Variants in PTCHD4 observed in about 807,000 individuals in gnomAD.
PTCHD4 encodes patched domain containing 4, also known as patched domain-containing protein 4.
PTCHD4 carries 33 observed loss-of-function variants against 58.1 expected under a neutral mutation model. The observed-to-expected ratio is 0.57, with a 90% CI of 0.43 to 0.76. PTCHD4 has a LOEUF of 0.76. Among genes scored for constraint, PTCHD4 ranks in the 30% least tolerant of loss-of-function variants. The probability of loss-of-function intolerance (pLI) is 0.00; values close to 1 mark genes in which losing one functional copy is unlikely to be tolerated. For missense variants in PTCHD4, 1,058 were observed against 1,027.1 expected, an observed-to-expected ratio of 1.03 and a Z score of -0.41; for synonymous variants, 478 against 409.6, an observed-to-expected ratio of 1.17 and a Z score of -2.02.
At chr6:48,109,802 A>G (rs1432178410) in intron 1 of PTCHD4, among the ~76,000 whole-genome samples, 4 of 152,132 alleles carry the variant, frequency 2.6e-5, no homozygotes, top group Non-Finnish European at 5.9e-5. Flanking sequence ...AAGAAAACAT[A>G]CAAGTCGCCA....
In PTCHD4 at chr6:47,864,070, A is replaced by T. The variant is rs1763494981; in HGVS notation, c.*14233T>A. On this transcript the variant is annotated 3_prime_UTR_variant, in exon 5 of 5. Transcript: ENST00000339488. ...CTCAGAATGTCTGTTGCTGTTCACA[A>T]ACTTAGATTTCAGAGATTTTCAAAG... Among the ~76,000 whole-genome samples the T allele has an allele frequency of 6.6e-6, 1 of 151,872 alleles. No homozygotes were observed. The highest frequency in any genetic ancestry group is 2.1e-4 in the South Asian group (1 of 4,818).
At chr6:47,893,563 T>C (rs1274470358) in intron 4 of PTCHD4, among the ~76,000 whole-genome samples, 1 of 152,226 alleles carries the variant, frequency 6.6e-6, no homozygotes, top group Non-Finnish European at 1.5e-5. Context: ...CACTACCATC[T>C]ATTAGATGGA....
At chr6:48,089,536 A>G (rs904191992) in intron 1 of PTCHD4, among the ~76,000 whole-genome samples, 14 of 152,236 alleles carry the variant, frequency 9.2e-5, no homozygotes, top group African/African-American at 2.4e-4. Flanking sequence ...TTAGAGACCA[A>G]CAATGAATCT....
At chr6:48,013,375 G>GTT (rs5876042) in intron 3 of PTCHD4, among the ~76,000 whole-genome samples, 96,803 of 145,114 alleles carry the variant, frequency 0.67, 32,505 homozygotes, top group East Asian at 0.82. Flanking sequence ...TTTCAGTTGA[G>GTT]TTTTTTTTTT....
chr6:47,905,290 T>C (rs1436251279), intron 4 of PTCHD4, among the ~76,000 whole-genome samples: 1 of 152,176 alleles, frequency 6.6e-6, no homozygotes, highest in Admixed American at 6.5e-5. Flanking sequence ...GTAAAGAATA[T>C]GAATTGAAAC....
chr6:47,864,353 C>T lies in PTCHD4; in HGVS notation c.*13950G>A, dbSNP rs528381415. ...ACATATATATATATGGCTATTTCAC[C>T]TACTAGTTTGCTTTGCTAAAATCCT... On this transcript the variant is annotated 3_prime_UTR_variant, in exon 5 of 5. Coordinates refer to ENST00000339488, the MANE Select transcript of PTCHD4 (RefSeq NM_001384253.1). Among the ~76,000 whole-genome samples, 9 of 151,640 alleles carry T rather than the reference C, an allele frequency of 5.9e-5. No individual in the cohort carries two copies. The highest frequency in any genetic ancestry group is 2.2e-4 in the African/African-American group (9 of 41,364).
intron 4 of PTCHD4, among the ~76,000 whole-genome samples, chr6:47,990,619 C>T (rs184398202): frequency 1.2e-4 from 18 of 152,290 alleles, no homozygotes; most frequent in African/African-American, 4.3e-4. Flanking sequence ...TTTTCCCTCC[C>T]ACCATGATTC....
At chr6:47,930,880 G>A (rs1273455859) in intron 4 of PTCHD4, among the ~76,000 whole-genome samples, 1 of 152,116 alleles carries the variant, frequency 6.6e-6, no homozygotes. Flanking sequence ...TGCAACCTCT[G>A]CCTTCTGGGT....
chr6:48,002,074 C>T (rs1768745036), intron 4 of PTCHD4, among the ~76,000 whole-genome samples: 1 of 152,166 alleles, frequency 6.6e-6, no homozygotes, highest in South Asian at 2.1e-4. Context: ...CCATCACACA[C>T]CAGTTAGAAT....
At chr6:48,074,568 T>A (rs1046085613) in intron 1 of PTCHD4, among the ~76,000 whole-genome samples, 4 of 152,240 alleles carry the variant, frequency 2.6e-5, no homozygotes, top group Admixed American at 1.3e-4. Context: ...GGAATGATAA[T>A]GTGGTAATTG....
rs1335866638 is a variant in PTCHD4, at chr6:47,877,607, A to G, written c.*696T>C. ...TTTGCTCATCCCACAGTTGAATGAC[A>G]CACTGACTGCTGAGACACTTGGGTT... On this transcript the variant is annotated 3_prime_UTR_variant, in exon 5 of 5. Transcript: ENST00000339488. Among the ~76,000 whole-genome samples the G allele has an allele frequency of 6.6e-6, 1 of 152,042 alleles. No individual in the cohort carries two copies. The highest frequency in any genetic ancestry group is 1.5e-5 in the Non-Finnish European group (1 of 67,982).
intron 4 of PTCHD4, among the ~76,000 whole-genome samples, chr6:47,909,227 A>G (rs1349407228): frequency 1.3e-5 from 2 of 152,150 alleles, no homozygotes; most frequent in African/African-American, 4.8e-5. Flanking sequence ...TACACATCAA[A>G]CACCTAGAGA....
chr6:47,960,027 T>C (rs993655907), intron 4 of PTCHD4, among the ~76,000 whole-genome samples: 4 of 152,038 alleles, frequency 2.6e-5, no homozygotes, highest in Non-Finnish European at 5.9e-5. Context: ...TAATGACATA[T>C]GTAAAATATG....
At chr6:48,015,346 C>T (rs1199233828) in intron 3 of PTCHD4, among the ~76,000 whole-genome samples, 3 of 152,088 alleles carry the variant, frequency 2.0e-5, no homozygotes, top group Non-Finnish European at 1.5e-5. Flanking sequence ...TAAAACCCTC[C>T]CCTGGTTTCC....
chr6:47,890,730 G>A (rs1052598573), intron 4 of PTCHD4, among the ~76,000 whole-genome samples: 5 of 152,014 alleles, frequency 3.3e-5, no homozygotes, highest in African/African-American at 1.2e-4. Context: ...GGGGATTCCC[G>A]GAGCTCTCTT....
intron 3 of PTCHD4, among the ~76,000 whole-genome samples, chr6:48,058,481 T>A (rs1297765245): frequency 6.6e-6 from 1 of 152,076 alleles, no homozygotes; most frequent in Non-Finnish European, 1.5e-5. Context: ...AGAGATGCCA[T>A]TGAAAAAGTT....
intron 4 of PTCHD4, among the ~76,000 whole-genome samples, chr6:47,948,386 A>C (rs1408132230): frequency 6.6e-6 from 1 of 152,184 alleles, no homozygotes; most frequent in Non-Finnish European, 1.5e-5. Flanking sequence ...TTCTTGCTGT[A>C]TTCTGTTGTT....
rs547949904 is a variant in PTCHD4, at chr6:47,967,959, C to T, written c.898+40675G>A. Among the ~76,000 whole-genome samples, 4 of 152,306 alleles carry T rather than the reference C, an allele frequency of 2.6e-5. No homozygotes were observed. The South Asian group carries it at 8.3e-4, about 32-fold the overall frequency. On this transcript the variant is annotated intron_variant, in intron 4 of 4. Coordinates refer to ENST00000339488, the MANE Select transcript of PTCHD4 (RefSeq NM_001384253.1). ...TTCACTGTCTTGTCATTCATGAAGT[C>T]ACTGGAGTAGCACTTTTACTCTCCT... is the stretch of plus-strand genomic sequence containing the variant.
At chr6:48,019,353 T>C (rs1160858407) in intron 3 of PTCHD4, among the ~76,000 whole-genome samples, 1 of 151,828 alleles carries the variant, frequency 6.6e-6, no homozygotes, top group East Asian at 1.9e-4. Context: ...GGGGTGAGGA[T>C]AGAGTGGTAG....
Sources: allele counts gnomAD v4.1 joint callset (sites outside exome capture counted in the v4.1 genomes callset), GRCh38; gene constraint gnomAD v4.1.1; transcripts MANE v1.5; gene names NCBI Gene and HGNC (gene_info 2026-07-23, HGNC 2026-07-21).